Variants in ATF6 observed in about 807,000 individuals in gnomAD.
The protein encoded by ATF6 is activating transcription factor 6, also known as cyclic AMP-dependent transcription factor ATF-6 alpha.
ATF6 carries 53 observed loss-of-function variants against 83.6 expected under a neutral mutation model. The ratio of observed to expected loss-of-function variants is 0.63; its 90% CI spans 0.51 to 0.80. The LOEUF (loss-of-function observed/expected upper bound fraction) is 0.80, where lower values mean the gene tolerates loss of function less well. ATF6 is among the 30% of genes least tolerant of loss of function. The probability of loss-of-function intolerance (pLI) is 0.00; values close to 1 mark genes in which losing one functional copy is unlikely to be tolerated. For missense variants in ATF6, 744 were observed against 797.9 expected, an observed-to-expected ratio of 0.93 and a Z score of 0.81; for synonymous variants, 288 against 285.8, an observed-to-expected ratio of 1.01 and a Z score of -0.08.
At position 161,959,122 on chromosome 1, in the gene ATF6, A is replaced by C. The variant is rs1195777794; in HGVS notation, c.*468A>C. 2 of 153,036 alleles carry C rather than the reference A, an allele frequency of 1.3e-5. No individual in the cohort carries two copies. The highest frequency in any genetic ancestry group is 2.9e-5 in the Non-Finnish European group (2 of 68,504). The allele number at this position is 153,036 out of a possible 1,614,324, so 9.5% of individuals were successfully genotyped here. On this transcript the variant is annotated 3_prime_UTR_variant, in exon 16 of 16. Coordinates refer to ENST00000367942, the MANE Select transcript of ATF6 (RefSeq NM_007348.4). The stretch of plus-strand genomic sequence containing the variant: ...TTCGATTTTTCATTCATTTAATGCA[A>C]ACCCATTCTGGATATTGTGCTTATT...
intron 14 of ATF6, among the ~76,000 whole-genome samples, chr1:161,909,652 A>G (rs1182648118): frequency 6.6e-6 from 1 of 152,000 alleles, no homozygotes; most frequent in Non-Finnish European, 1.5e-5. Flanking sequence ...TGCTCAGTAA[A>G]TTTTTTTTAA....
intron 7 of ATF6, among the ~76,000 whole-genome samples, chr1:161,807,177 A>G (rs940736120): frequency 6.6e-6 from 1 of 152,224 alleles, no homozygotes; most frequent in Non-Finnish European, 1.5e-5. Context: ...AGCAAAACTC[A>G]TAAGAGACTC....
chr1:161,887,310 C>T (rs190645450), intron 14 of ATF6, among the ~76,000 whole-genome samples: 1 of 152,122 alleles, frequency 6.6e-6, no homozygotes, highest in Admixed American at 6.5e-5. Context: ...GAGCTCCTGA[C>T]CTCAACTGAT....
At chr1:161,946,415 G>A (rs1688748812) in intron 15 of ATF6, among the ~76,000 whole-genome samples, 1 of 152,206 alleles carries the variant, frequency 6.6e-6, no homozygotes, top group South Asian at 2.1e-4. Flanking sequence ...GAAAGACTAT[G>A]TTTTTGCTGT....
intron 9 of ATF6, among the ~76,000 whole-genome samples, chr1:161,833,452 ACTC>A (rs1413995998): frequency 1.3e-5 from 2 of 151,956 alleles, no homozygotes; most frequent in African/African-American, 2.4e-5. Flanking sequence ...AGATCAAACT[ACTC>A]CGAGCTAAAG....
intron 1 of ATF6, among the ~76,000 whole-genome samples, chr1:161,771,154 A>G (rs1684380702): frequency 6.7e-6 from 1 of 150,104 alleles, no homozygotes; most frequent in Non-Finnish European, 1.5e-5. Context: ...CTTCTCTTTT[A>G]CTCTTGCTTG....
At chr1:161,816,971 G>A (rs894567244) in intron 7 of ATF6, among the ~76,000 whole-genome samples, 2 of 152,054 alleles carry the variant, frequency 1.3e-5, no homozygotes, top group Admixed American at 6.5e-5. Flanking sequence ...ATAGCCGTGG[G>A]TTTCATTTAT....
At chr1:161,872,929 T>C (rs1687147929) in intron 14 of ATF6, among the ~76,000 whole-genome samples, 1 of 151,398 alleles carries the variant, frequency 6.6e-6, no homozygotes, top group Non-Finnish European at 1.5e-5. Flanking sequence ...GGGTATAAGG[T>C]AAATAAGGAC....
At chr1:161,949,827 A>G (rs763871370) in intron 15 of ATF6, among the ~76,000 whole-genome samples, 3 of 152,182 alleles carry the variant, frequency 2.0e-5, no homozygotes, top group Non-Finnish European at 2.9e-5. Context: ...AATACCTCCC[A>G]TTAAGCCCCA....
At chr1:161,870,306 G>T (rs1348508341) in intron 14 of ATF6, among the ~76,000 whole-genome samples, 1 of 151,766 alleles carries the variant, frequency 6.6e-6, no homozygotes, top group East Asian at 1.9e-4. Flanking sequence ...TTAATGGTTT[G>T]AAATATTATA....
intron 14 of ATF6, among the ~76,000 whole-genome samples, chr1:161,909,723 G>A (rs370920462): frequency 1.3e-4 from 20 of 152,168 alleles, no homozygotes; most frequent in African/African-American, 4.8e-4. Context: ...TTGGGAGGCC[G>A]AGGCGGGCAG....
In ATF6 at chr1:161,962,506, A is replaced by T. The variant is rs573119972; in HGVS notation, c.*3852A>T. 7.2e-5 allele frequency: 11 copies of T among 152,344 alleles called. No individual in the cohort carries two copies. Among genetic ancestry groups the T allele is most frequent in the African/African-American group, 2.6e-4 (11 of 41,592 alleles). 9.4% of individuals were successfully genotyped at this position (152,344 alleles called of 1,614,324 possible). On this transcript the variant is annotated 3_prime_UTR_variant, in exon 16 of 16. Coordinates refer to ENST00000367942, the MANE Select transcript of ATF6 (RefSeq NM_007348.4). ...CCATTTTACCAAGCTTAGGTTGTGAAACTTGACAGAAATGTATTACAGGAA... is the reference window on the plus strand; with the variant it reads ...CCATTTTACCAAGCTTAGGTTGTGATACTTGACAGAAATGTATTACAGGAA...
At chr1:161,791,112 G>C (rs570022300) in intron 4 of ATF6, among the ~76,000 whole-genome samples, 1 of 149,880 alleles carries the variant, frequency 6.7e-6, no homozygotes, top group African/African-American at 2.5e-5. Flanking sequence ...GTCTCTGTGT[G>C]TGTGTGTGTG....
At chr1:161,783,018 A>G (rs1684672065) in intron 3 of ATF6, among the ~76,000 whole-genome samples, 1 of 152,082 alleles carries the variant, frequency 6.6e-6, no homozygotes, top group South Asian at 2.1e-4. Flanking sequence ...CTTCACTCAT[A>G]TGTGTGGCAC....
rs34420630 is a variant in ATF6, at chr1:161,790,809, T to TCAACAA, written c.355-565_355-560dup. On this transcript the variant is annotated intron_variant, in intron 4 of 15. Transcript: ENST00000367942. The stretch of plus-strand genomic sequence containing the variant: ...TTGGGCAACAGAGTGAGACTCTGTC[T>TCAACAA]CAACAACAACAACAACAACAACAAC... Among the ~76,000 whole-genome samples, 711 of 149,796 alleles carry TCAACAA rather than the reference T, an allele frequency of 4.7e-3. 3 individuals carry two copies. The highest frequency in any genetic ancestry group is 7.6e-3 in the Admixed American group (114 of 15,042).
chr1:161,900,477 C>G (rs146607272), intron 14 of ATF6, among the ~76,000 whole-genome samples: 1 of 152,108 alleles, frequency 6.6e-6, no homozygotes, highest in East Asian at 1.9e-4. Context: ...CAATAAGAAG[C>G]CATTAAGTCA....
At chr1:161,928,099 G>A (rs974986502) in intron 15 of ATF6, among the ~76,000 whole-genome samples, 1 of 152,132 alleles carries the variant, frequency 6.6e-6, no homozygotes, top group Non-Finnish European at 1.5e-5. Flanking sequence ...TAAAGCCTAT[G>A]TGAGATAAAC....
chr1:161,820,582 C>G (rs1006394572), intron 8 of ATF6, among the ~76,000 whole-genome samples: 9 of 152,138 alleles, frequency 5.9e-5, no homozygotes, highest in African/African-American at 2.2e-4. Flanking sequence ...GAAACCCCAT[C>G]TCTACTAAAA....
Position 161,852,288 on chromosome 1 carries a change from A to T in ATF6, c.1433+453A>T, listed in dbSNP as rs4656335. Among the ~76,000 whole-genome samples, 4 of 152,216 alleles carry T rather than the reference A, an allele frequency of 2.6e-5. No homozygotes were observed. In the South Asian group the frequency reaches 6.2e-4, roughly 24 times the overall value. ...CTTAAAACCTCAAAAACTACCTCAG[A>T]TTTTTTGTGATATGTAGTAATCAAC... On this transcript the variant is annotated intron_variant, in intron 11 of 15. Transcript: ENST00000367942.
Sources: allele counts gnomAD v4.1 joint callset (sites outside exome capture counted in the v4.1 genomes callset), GRCh38; gene constraint gnomAD v4.1.1; transcripts MANE v1.5; gene names NCBI Gene and HGNC (gene_info 2026-07-23, HGNC 2026-07-21).